MED12L: variants seen among roughly 807,000 people sequenced by gnomAD.
MED12L encodes the protein mediator complex subunit 12L.
Under a neutral mutation model 281.3 loss-of-function variants are expected in MED12L, and 60 were observed. The observed-to-expected ratio is 0.21, with a 90% CI of 0.17 to 0.26. The LOEUF (loss-of-function observed/expected upper bound fraction) is 0.26, where lower values mean the gene tolerates loss of function less well. Ranked by LOEUF, MED12L falls within the 10% of genes least tolerant of loss-of-function variation. The pLI is 1.00. For synonymous variants in MED12L, 974 were observed against 987.2 expected (o/e 0.99, Z 0.25); for missense variants, 2,146 against 2,680.9 (o/e 0.80, Z 4.41).
intron 16 of MED12L, among the ~76,000 whole-genome samples, chr3:151,323,981 C>G (rs1749288281): frequency 1.3e-5 from 2 of 152,170 alleles, no homozygotes; most frequent in Non-Finnish European, 2.9e-5. Context: ...TCCTCATTCT[C>G]CCTAGTGGGG....
At chr3:151,171,008 T>C (rs1278955653) in intron 11 of MED12L, among the ~76,000 whole-genome samples, 1 of 152,196 alleles carries the variant, frequency 6.6e-6, no homozygotes, top group African/African-American at 2.4e-5. Flanking sequence ...ATGTAAACTT[T>C]CCTGATTTTA....
intron 17 of MED12L, among the ~76,000 whole-genome samples, chr3:151,350,579 T>C (rs1332704349): frequency 6.6e-6 from 1 of 152,188 alleles, no homozygotes; most frequent in Non-Finnish European, 1.5e-5. Context: ...TTTCTCTGTT[T>C]CTTTACCATA....
intron 2 of MED12L, among the ~76,000 whole-genome samples, chr3:151,087,557 C>T (rs1719424653): frequency 6.6e-6 from 1 of 152,178 alleles, no homozygotes; most frequent in African/African-American, 2.4e-5. Flanking sequence ...CTCTGTAACC[C>T]TTCTGCCCTT....
chr3:151,176,569 T>C (rs1047091470), intron 11 of MED12L, among the ~76,000 whole-genome samples: 1 of 148,826 alleles, frequency 6.7e-6, no homozygotes, highest in Non-Finnish European at 1.5e-5. Flanking sequence ...TATTTTTTTC[T>C]GGTCATGGTG....
intron 16 of MED12L, among the ~76,000 whole-genome samples, chr3:151,259,876 C>T (rs1326086796): frequency 1.3e-5 from 2 of 152,198 alleles, no homozygotes; most frequent in Non-Finnish European, 2.9e-5. Flanking sequence ...ACGTCTCTGA[C>T]TGTGTTAGTT....
At chr3:151,252,148 T>C (rs1013853602) in intron 16 of MED12L, among the ~76,000 whole-genome samples, 9 of 152,112 alleles carry the variant, frequency 5.9e-5, no homozygotes, top group Non-Finnish European at 4.4e-5. Flanking sequence ...CTCACCTTCC[T>C]GTGTTACCAA....
At position 151,156,143 on chromosome 3, in the gene MED12L, TC is replaced by T. The variant is rs1400329284; in HGVS notation, c.557-17del. On this transcript the variant is annotated splice_polypyrimidine_tract_variant and intron_variant, in intron 5 of 44. Coordinates refer to ENST00000687756, the MANE Select transcript of MED12L (RefSeq NM_001393769.1). Reference sequence around the variant, plus strand: ...CATTGTGTCTAGAAACTCATATTTTTCTTTTTTTAAAATGCAGAGTGGACAC... The same window carrying T: ...CATTGTGTCTAGAAACTCATATTTTTTTTTTTTAAAATGCAGAGTGGACAC... 1 of 1,575,106 alleles carries T rather than the reference TC, an allele frequency of 6.3e-7. No individual in the cohort carries two copies. The highest frequency in any genetic ancestry group is 1.9e-5 in the Admixed American group (1 of 52,390).
Position 151,163,830 on chromosome 3 carries a change from TTTA to T in MED12L, c.1108-62_1108-60del. 5.3e-6 allele frequency: 8 copies of T among 1,516,768 alleles called. No homozygotes were observed. The Admixed American group carries it at 5.4e-5, about 10-fold the overall frequency. 94.0% of individuals were successfully genotyped at this position (1,516,768 alleles called of 1,614,324 possible). On this transcript the variant is annotated intron_variant, in intron 8 of 44. Coordinates refer to ENST00000687756, the MANE Select transcript of MED12L (RefSeq NM_001393769.1). Reference sequence around the variant, plus strand: ...TGATGACAGGGTGTCGTTTTTACTGTTTAGCTATTGTTATGCTTTTCTCCTTCC... The same window carrying T: ...TGATGACAGGGTGTCGTTTTTACTGTGCTATTGTTATGCTTTTCTCCTTCC...
At chr3:151,288,344 A>G (rs1474427722) in intron 16 of MED12L, among the ~76,000 whole-genome samples, 1 of 152,246 alleles carries the variant, frequency 6.6e-6, no homozygotes, top group African/African-American at 2.4e-5. Context: ...TATTTTACAT[A>G]TAAATGTATT....
At chr3:151,192,488 C>G (rs980469765) in intron 14 of MED12L, 62 bp from the exon 15 acceptor site, 6 of 1,159,366 alleles carry the variant, frequency 5.2e-6, no homozygotes, top group Middle Eastern at 1.9e-4. Context: ...CATGTTTTAG[C>G]TTCAGTTTCT....
In MED12L at chr3:151,164,026, C is replaced by T. The variant is rs373201018; in HGVS notation, c.1241C>T (p.Thr414Met). 16 of 1,613,234 alleles carry T rather than the reference C, an allele frequency of 9.9e-6. No homozygotes were observed. Among genetic ancestry groups the T allele is most frequent in the Non-Finnish European group, 1.1e-5 (13 of 1,179,602 alleles). The change falls in exon 9 of 45, where the codon ACG becomes ATG. Residue 414 changes from threonine (T) to methionine (M), a missense_variant. Thr to Met is a moderately conservative substitution (Grantham distance 81). Around this residue, in one of 9 missense-constraint regions of MED12L, gnomAD observed 722 missense variants for 861.2 expected, o/e 0.84. Transcript: ENST00000687756. ...AGCCTCCCCATGCCGGGTGGGAACA[C>T]GGCTTTCAATCAGCAGGTAGACTTT... ...PSSLPMPGGN[T>M]AFNQQVRARI... is the part of the protein sequence containing the mutation.
At position 151,380,174 on chromosome 3, in the gene MED12L, G is replaced by C. The variant is rs1711998853; in HGVS notation, c.4540G>C (p.Asp1514His). The change falls in exon 32 of 45, where the codon GAT (aspartate) becomes CAT (histidine). Residue 1514 changes from aspartate to histidine, a missense_variant. Around this residue, in one of 9 missense-constraint regions of MED12L, gnomAD observed 212 missense variants for 340.8 expected, o/e 0.62. Coordinates refer to ENST00000687756, the MANE Select transcript of MED12L (RefSeq NM_001393769.1). ...SLVLTCLKGQ[D>H]EQREGLLTSL... ...GGTACTTACCTGCCTTAAGGGACAA[G>C]ATGAACAAAGGGAAGGCCTCCTAAC... 1.2e-6 allele frequency: 2 copies of C among 1,610,776 alleles called. No homozygotes were observed. The highest frequency in any genetic ancestry group is 3.3e-4 in the Middle Eastern group (2 of 6,054).
intron 16 of MED12L, among the ~76,000 whole-genome samples, chr3:151,325,911 A>G (rs1749538025): frequency 6.6e-6 from 1 of 152,196 alleles, no homozygotes. Context: ...TGTACTCAGT[A>G]GAGGTAATAT....
intron 3 of MED12L, among the ~76,000 whole-genome samples, chr3:151,117,312 A>G (rs1316433710): frequency 1.3e-5 from 2 of 152,008 alleles, no homozygotes; most frequent in Non-Finnish European, 2.9e-5. Context: ...TCCTTTGAGC[A>G]CTTCTTTACT....
intron 16 of MED12L, among the ~76,000 whole-genome samples, chr3:151,263,205 T>A (rs1739227737): frequency 6.6e-6 from 1 of 152,202 alleles, no homozygotes; most frequent in Admixed American, 6.5e-5. Context: ...CACCCTTTAG[T>A]GATTTGGCTA....
chr3:151,108,031 A>G (rs1206763064), intron 2 of MED12L, among the ~76,000 whole-genome samples: 1 of 152,204 alleles, frequency 6.6e-6, no homozygotes, highest in Non-Finnish European at 1.5e-5. Context: ...GAGGGTTTGT[A>G]GACAGTTATG....
intron 16 of MED12L, chr3:151,199,474 T>TA (rs1289089727): frequency 1.1e-5 from 12 of 1,131,330 alleles, no homozygotes; most frequent in Non-Finnish European, 1.5e-5. Flanking sequence ...GGTTAGTAAT[T>TA]AAAATTAGCA....
At chr3:151,273,402 A>ATTTTTTT in intron 16 of MED12L, among the ~76,000 whole-genome samples, 1 of 113,672 alleles carries the variant, frequency 8.8e-6, no homozygotes, top group Non-Finnish European at 1.7e-5. Context: ...TAATTTTTGT[A>ATTTTTTT]TTTTTTTTTT....
At chr3:151,100,470 G>T (rs1383946521) in intron 2 of MED12L, among the ~76,000 whole-genome samples, 1 of 152,304 alleles carries the variant, frequency 6.6e-6, no homozygotes, top group South Asian at 2.1e-4. Flanking sequence ...TTGAAGTGTT[G>T]TTGGAATTTT....
Sources: gnomAD v4.1 joint callset for allele counts (sites outside exome capture counted in the v4.1 genomes callset) on GRCh38, gnomAD v4.1.1 for gene constraint, gnomAD v4.1.1 regional missense constraint, MANE v1.5 for transcripts, NCBI Gene and HGNC (gene_info 2026-07-23, HGNC 2026-07-21) for gene names.